The following ZDHHC20 variants were observed in gnomAD, a reference collection of about 807,000 sequenced individuals.
ZDHHC20 encodes palmitoyltransferase ZDHHC20.
A neutral mutation model predicts 57.8 loss-of-function variants in ZDHHC20; 43 were observed. The ratio of observed to expected loss-of-function variants is 0.74; its 90% CI spans 0.58 to 0.96. The LOEUF is 0.96. Among genes scored for constraint, ZDHHC20 ranks in the 40% least tolerant of loss-of-function variants. The probability of loss-of-function intolerance (pLI) is 0.00; values close to 1 mark genes in which losing one functional copy is unlikely to be tolerated. For synonymous variants in ZDHHC20, 157 were observed against 153.0 expected (o/e 1.03, Z -0.19); for missense variants, 391 against 441.1 (o/e 0.89, Z 1.02).
rs558363680 is a variant in ZDHHC20, at chr13:21,417,666, T to A, written c.249+3395A>T. Among the ~76,000 whole-genome samples, 4 of 152,302 alleles carry A rather than the reference T, an allele frequency of 2.6e-5. No homozygotes were observed. In the East Asian group the frequency reaches 7.7e-4, roughly 29 times the overall value. On this transcript the variant is annotated intron_variant, in intron 3 of 12. Coordinates refer to ENST00000400590, the MANE Select transcript of ZDHHC20 (RefSeq NM_001330059.2). ...GTTGGTCAGGCTGGTCTCGAACTCCTGACCTCAGGTGATCCACCTGCCTCG... is the reference window on the plus strand; with the variant it reads ...GTTGGTCAGGCTGGTCTCGAACTCCAGACCTCAGGTGATCCACCTGCCTCG...
At chr13:21,432,757 C>A (rs1882121032) in intron 1 of ZDHHC20, among the ~76,000 whole-genome samples, 1 of 152,206 alleles carries the variant, frequency 6.6e-6, no homozygotes, top group African/African-American at 2.4e-5. Flanking sequence ...GTGTGACCCA[C>A]CATGCCCCCC....
intron 1 of ZDHHC20, among the ~76,000 whole-genome samples, chr13:21,449,911 C>T (rs866075473): frequency 6.6e-5 from 10 of 152,008 alleles, no homozygotes; most frequent in Admixed American, 1.3e-4. Flanking sequence ...GGATTACAGG[C>T]GTGAGCCACT....
intron 1 of ZDHHC20, among the ~76,000 whole-genome samples, chr13:21,433,751 G>T (rs3847995): frequency 1.3e-5 from 2 of 151,986 alleles, no homozygotes; most frequent in Non-Finnish European, 2.9e-5. Context: ...TTGGGGAGAA[G>T]TAATGTCTTT....
chr13:21,389,685 C>A (rs1222646670), intron 8 of ZDHHC20, among the ~76,000 whole-genome samples: 2 of 152,182 alleles, frequency 1.3e-5, no homozygotes, highest in African/African-American at 2.4e-5. Context: ...ACTGGCAAGA[C>A]CTGCAGCAAA....
chr13:21,441,750 T>C (rs1323190841), intron 1 of ZDHHC20, among the ~76,000 whole-genome samples: 1 of 151,914 alleles, frequency 6.6e-6, no homozygotes, highest in African/African-American at 2.4e-5. Flanking sequence ...TAAAAAGTAT[T>C]GGGTTTTGTT....
intron 4 of ZDHHC20, among the ~76,000 whole-genome samples, chr13:21,411,547 T>A (rs1379492032): frequency 6.6e-6 from 1 of 152,168 alleles, no homozygotes; most frequent in Non-Finnish European, 1.5e-5. Flanking sequence ...GGAATGAGTA[T>A]CTTCTTTTCT....
chr13:21,458,842 G>A (rs1885142982), intron 1 of ZDHHC20, among the ~76,000 whole-genome samples: 2 of 152,174 alleles, frequency 1.3e-5, no homozygotes, highest in South Asian at 2.1e-4. Context: ...GCCGCCGCAA[G>A]GCTTCAGGAG....
intron 1 of ZDHHC20, among the ~76,000 whole-genome samples, chr13:21,437,993 T>G (rs552486040): frequency 6.6e-6 from 1 of 152,324 alleles, no homozygotes; most frequent in Admixed American, 6.5e-5. Context: ...ACCCAGCGGC[T>G]TTATTGAATA....
At chr13:21,422,662 A>G (rs1880775997) in intron 2 of ZDHHC20, among the ~76,000 whole-genome samples, 1 of 152,146 alleles carries the variant, frequency 6.6e-6, no homozygotes, top group African/African-American at 2.4e-5. Flanking sequence ...TAATTTCAAT[A>G]ATTATCATTA....
At chr13:21,395,007 T>C (rs1170026343) in intron 7 of ZDHHC20, among the ~76,000 whole-genome samples, 1 of 152,076 alleles carries the variant, frequency 6.6e-6, no homozygotes, top group Non-Finnish European at 1.5e-5. Context: ...TAACTATGAG[T>C]AGCAAGTTAT....
chr13:21,439,032 A>AG (rs1350247366), intron 1 of ZDHHC20, among the ~76,000 whole-genome samples: 3 of 152,226 alleles, frequency 2.0e-5, no homozygotes, highest in Non-Finnish European at 2.9e-5. Context: ...GGGTGAACGT[A>AG]ACTTTTATAT....
chr13:21,449,628 AATTATT>A (rs946703922), intron 1 of ZDHHC20, among the ~76,000 whole-genome samples: 25 of 151,972 alleles, frequency 1.6e-4, no homozygotes, highest in South Asian at 2.1e-4. Flanking sequence ...AGAAGGTACA[AATTATT>A]ATTATTATTA....
rs1344446960 is a variant in ZDHHC20 at position 21,381,923 on chromosome 13, CT to C, written c.945-375del. ...TACCTGTCATTTGCCAAGTTTTCTGCTTTCTACCTCTGCAGTTTAGATCTAA... is the reference window on the plus strand; with the variant it reads ...TACCTGTCATTTGCCAAGTTTTCTGCTTCTACCTCTGCAGTTTAGATCTAA... On this transcript the variant is annotated intron_variant, in intron 10 of 12. Coordinates refer to ENST00000400590, the MANE Select transcript of ZDHHC20 (RefSeq NM_001330059.2). The C allele has an allele frequency of 7.6e-6, 4 of 529,784 alleles. No homozygotes were observed. In the Admixed American group the frequency reaches 7.7e-5, roughly 10 times the overall value. 32.8% of individuals were successfully genotyped at this position (529,784 alleles called of 1,614,324 possible).
chr13:21,389,485 C>CT (rs1875242593), intron 8 of ZDHHC20, among the ~76,000 whole-genome samples: 1 of 152,032 alleles, frequency 6.6e-6, no homozygotes, highest in South Asian at 2.1e-4. Context: ...GAAACTTTTG[C>CT]TTGTTTTATT....
intron 1 of ZDHHC20, among the ~76,000 whole-genome samples, chr13:21,455,952 G>C (rs868409300): frequency 6.6e-6 from 1 of 152,116 alleles, no homozygotes; most frequent in Non-Finnish European, 1.5e-5. Flanking sequence ...CAAACCCCTT[G>C]AATTCCAATT....
At chr13:21,454,174 A>T (rs1305399364) in intron 1 of ZDHHC20, among the ~76,000 whole-genome samples, 2 of 152,152 alleles carry the variant, frequency 1.3e-5, no homozygotes, top group African/African-American at 4.8e-5. Flanking sequence ...AAAAATACAA[A>T]AATTAGCCGG....
At chr13:21,383,088 A>G (rs1383925380) in intron 9 of ZDHHC20, 79 bp from the exon 10 acceptor site, 1 of 1,259,082 alleles carries the variant, frequency 7.9e-7, no homozygotes, top group Admixed American at 2.0e-5. Flanking sequence ...CATTTTTCAG[A>G]GACATGGCAT....
intron 10 of ZDHHC20, chr13:21,381,830 G>A: frequency 1.8e-6 from 1 of 559,686 alleles, no homozygotes; most frequent in Non-Finnish European, 3.4e-6. Context: ...TTCTTAATAT[G>A]TTAATCAGGA....
At chr13:21,457,665 C>T (rs191848921) in intron 1 of ZDHHC20, among the ~76,000 whole-genome samples, 81 of 152,286 alleles carry the variant, frequency 5.3e-4, no homozygotes, top group African/African-American at 1.9e-3. Flanking sequence ...AATTTTAAAA[C>T]TGGATGTTTT....
Sources: allele counts gnomAD v4.1 joint callset (sites outside exome capture counted in the v4.1 genomes callset), GRCh38; gene constraint gnomAD v4.1.1; transcripts MANE v1.5; gene names NCBI Gene and HGNC (gene_info 2026-07-23, HGNC 2026-07-21).